The following EIF2AK3 variants were observed in gnomAD, a reference collection of about 807,000 sequenced individuals.
The protein encoded by EIF2AK3 is eukaryotic translation initiation factor 2 alpha kinase 3.
EIF2AK3 carries 50 observed loss-of-function variants against 113.5 expected under a neutral mutation model. That is an observed-to-expected ratio of 0.44 (90% CI 0.35 to 0.56). The LOEUF (loss-of-function observed/expected upper bound fraction) is 0.56. Ranked by LOEUF, EIF2AK3 falls within the 20% of genes least tolerant of loss-of-function variation. The pLI is 0.00. For synonymous variants in EIF2AK3, 448 were observed against 495.4 expected, an observed-to-expected ratio of 0.90 and a Z score of 1.27; for missense variants, 1,185 against 1,378.0, an observed-to-expected ratio of 0.86 and a Z score of 2.22.
In EIF2AK3 at chr2:88,590,977, G is replaced by T; in HGVS notation, c.843C>A (p.Ser281Arg). Reference protein sequence around the residue: ...DMETRAGFIESTFKPNENTEE... With the variant: ...DMETRAGFIERTFKPNENTEE... The stretch of plus-strand genomic sequence containing the variant: ...CTGTGTTCTCATTGGGCTTAAAGGT[G>T]CTTTCAATAAATCCGGCTCTCGTTT... Residue 281 changes from serine to arginine, a missense_variant, in exon 5 of 17, where the codon AGC becomes AGA. By Grantham distance (110) the Ser-to-Arg change is moderately radical (BLOSUM62 -1). This residue lies in a region of EIF2AK3 where 877 missense variants were observed against 1,024.2 expected (regional missense o/e 0.86). Transcript: ENST00000303236. The T allele has an allele frequency of 1.2e-6, 2 of 1,614,098 alleles. No homozygotes were observed. The highest frequency in any genetic ancestry group is 1.7e-6 in the Non-Finnish European group (2 of 1,179,982).
In EIF2AK3 at chr2:88,627,378, T is replaced by A; in HGVS notation, c.-104A>T. On this transcript the variant is annotated 5_prime_UTR_variant, in exon 1 of 17. Transcript: ENST00000303236. The stretch of plus-strand genomic sequence containing the variant: ...GGCAAGGACGTGCTAGGGACCCTAC[T>A]GCCGCCCCGACGGCCTGGACAGCCA... 1 of 1,295,616 alleles carries A rather than the reference T, an allele frequency of 7.7e-7. No homozygotes were observed. Among genetic ancestry groups the A allele is most frequent in the Non-Finnish European group, 9.9e-7 (1 of 1,007,894 alleles). 80.3% of individuals were successfully genotyped at this position (1,295,616 alleles called of 1,614,324 possible). A position where few individuals can be genotyped will look rare whatever the true frequency, so the allele number is the denominator to read the frequency against.
chr2:88,606,346 C>T (rs1675276418), intron 2 of EIF2AK3, among the ~76,000 whole-genome samples: 1 of 152,088 alleles, frequency 6.6e-6, no homozygotes, highest in African/African-American at 2.4e-5. Flanking sequence ...AAATCAGTTT[C>T]TCCTTTGGTG....
chr2:88,622,157 A>G (rs1675740622), intron 1 of EIF2AK3, among the ~76,000 whole-genome samples: 2 of 152,150 alleles, frequency 1.3e-5, no homozygotes, highest in Admixed American at 1.3e-4. Flanking sequence ...TTGGCCTCCC[A>G]AAGTGCTGTG....
At chr2:88,561,584 TTCAG>T (rs1673961258) in intron 15 of EIF2AK3, among the ~76,000 whole-genome samples, 1 of 152,174 alleles carries the variant, frequency 6.6e-6, no homozygotes, top group Admixed American at 6.5e-5. Context: ...TAAAATGACT[TTCAG>T]TCATCCCTAT....
In EIF2AK3 at chr2:88,627,370, G is replaced by A. The variant is rs1675898806; in HGVS notation, c.-96C>T. ...CCCAAGAAGGCAAGGACGTGCTAGG[G>A]ACCCTACTGCCGCCCCGACGGCCTG... On this transcript the variant is annotated 5_prime_UTR_variant, in exon 1 of 17. Transcript: ENST00000303236. 1 of 1,332,446 alleles carries A rather than the reference G, an allele frequency of 7.5e-7. No individual in the cohort carries two copies. Among genetic ancestry groups the A allele is most frequent in the East Asian group, 3.2e-5 (1 of 31,330 alleles). The allele number at this position is 1,332,446 out of a possible 1,614,324, so 82.5% of individuals were successfully genotyped here.
intron 15 of EIF2AK3, among the ~76,000 whole-genome samples, chr2:88,561,761 A>G (rs1673966145): frequency 6.6e-6 from 1 of 152,140 alleles, no homozygotes; most frequent in Non-Finnish European, 1.5e-5. Flanking sequence ...GGGGAGACTG[A>G]GATGGGAGGA....
intron 2 of EIF2AK3, among the ~76,000 whole-genome samples, chr2:88,603,645 AC>A (rs892123156): frequency 6.6e-6 from 1 of 152,198 alleles, no homozygotes; most frequent in Non-Finnish European, 1.5e-5. Flanking sequence ...TCATTGAAAC[AC>A]TTTTTCTCTC....
At chr2:88,570,090 T>C (rs1270356305) in intron 14 of EIF2AK3, among the ~76,000 whole-genome samples, 2 of 152,096 alleles carry the variant, frequency 1.3e-5, no homozygotes, top group Admixed American at 6.5e-5. Context: ...TTCATAAAAA[T>C]ATCTTAAGAT....
Position 88,597,447 on chromosome 2 carries a change from C to G in EIF2AK3, c.439-1784G>C, listed in dbSNP as rs1573411001. On this transcript the variant is annotated intron_variant, in intron 2 of 16. Coordinates refer to ENST00000303236, the MANE Select transcript of EIF2AK3 (RefSeq NM_004836.7). ...AGCTATTATCTTCTTACTAAAGACC[C>G]CAAATCCTAAAGATCCAAAATCCTT... is the stretch of plus-strand genomic sequence containing the variant. Among the ~76,000 whole-genome samples, 4 of 152,076 alleles carry G rather than the reference C, an allele frequency of 2.6e-5. No homozygotes were observed. In the East Asian group the frequency reaches 7.7e-4, roughly 29 times the overall value.
chr2:88,558,137 T>G (rs1010525939), intron 16 of EIF2AK3, among the ~76,000 whole-genome samples: 1 of 152,198 alleles, frequency 6.6e-6, no homozygotes, highest in African/African-American at 2.4e-5. Context: ...TTAATGGGCA[T>G]GGCTGTGTTC....
At position 88,590,992 on chromosome 2, in the gene EIF2AK3, G is replaced by A. The variant is rs769580758; in HGVS notation, c.828C>T (p.Ala276=). 25 of 1,613,904 alleles carry A rather than the reference G, an allele frequency of 1.5e-5. No individual in the cohort carries two copies. Among genetic ancestry groups the A allele is most frequent in the African/African-American group, 4.0e-5 (3 of 74,902 alleles). The change falls in exon 5 of 17, where the codon GCC becomes GCT. Residue 276 remains alanine (A), a synonymous_variant. Transcript: ENST00000303236. The part of the protein sequence containing the change: ...LRYIPDMETR[A]GFIESTFKPN... ...GCTTAAAGGTGCTTTCAATAAATCC[G>A]GCTCTCGTTTCCATGTCTGGAATAT... is the stretch of plus-strand genomic sequence containing the variant.
intron 11 of EIF2AK3, among the ~76,000 whole-genome samples, chr2:88,578,439 T>C (rs1674517803): frequency 6.6e-6 from 1 of 151,974 alleles, no homozygotes; most frequent in South Asian, 2.1e-4. Flanking sequence ...TCCCAGCACT[T>C]TGGGAGGCCA....
At chr2:88,591,414 C>T (rs1674886350) in intron 4 of EIF2AK3, among the ~76,000 whole-genome samples, 1 of 152,260 alleles carries the variant, frequency 6.6e-6, no homozygotes, top group African/African-American at 2.4e-5. Flanking sequence ...GTCTGCCTTA[C>T]CTCTTAATTA....
At chr2:88,587,454 T>C (rs912204818) in intron 8 of EIF2AK3, among the ~76,000 whole-genome samples, 1 of 152,130 alleles carries the variant, frequency 6.6e-6, no homozygotes, top group African/African-American at 2.4e-5. Flanking sequence ...AAAATGTATT[T>C]CATGCCAAAT....
intron 13 of EIF2AK3, among the ~76,000 whole-genome samples, chr2:88,573,365 GATTC>G (rs1438075387): frequency 5.9e-5 from 9 of 152,230 alleles, no homozygotes; most frequent in South Asian, 4.1e-4. Flanking sequence ...GTGAAAACAT[GATTC>G]ATTGTCTTTC....
intron 14 of EIF2AK3, 143 bp from the exon 15 acceptor site, chr2:88,562,533 A>C: frequency 1.4e-6 from 1 of 709,018 alleles, no homozygotes; most frequent in East Asian, 2.7e-5. Flanking sequence ...CAAAGAGTTA[A>C]TCTCCCAAGT....
chr2:88,581,856 A>G (rs1674608676), intron 10 of EIF2AK3, among the ~76,000 whole-genome samples: 1 of 152,206 alleles, frequency 6.6e-6, no homozygotes, highest in African/African-American at 2.4e-5. Flanking sequence ...TTTGACAGAA[A>G]GGTAGAATGG....
chr2:88,613,767 A>C lies in EIF2AK3; in HGVS notation c.395T>G (p.Val132Gly). 4 of 1,614,144 alleles carry C rather than the reference A, an allele frequency of 2.5e-6. No individual in the cohort carries two copies. Among genetic ancestry groups the C allele is most frequent in the Non-Finnish European group, 3.4e-6 (4 of 1,179,966 alleles). Reference sequence around the variant, plus strand: ...GGATGACACCAAGGAACCGGATCCCACATCCAAATCCCACTGCTTTTTACC... The same window carrying C: ...GGATGACACCAAGGAACCGGATCCCCCATCCAAATCCCACTGCTTTTTACC... ...NHGKKQWDLDVGSGSLVSSSL... is the reference protein window; with the variant it reads ...NHGKKQWDLDGGSGSLVSSSL... Residue 132 changes from valine to glycine, a missense_variant, in exon 2 of 17, where the codon GTG (valine) becomes GGG (glycine). Val to Gly is a moderately radical substitution (Grantham distance 109). Around this residue, in one of 3 missense-constraint regions of EIF2AK3, gnomAD observed 119 missense variants for 178.7 expected, o/e 0.67. Coordinates refer to ENST00000303236, the MANE Select transcript of EIF2AK3 (RefSeq NM_004836.7).
intron 11 of EIF2AK3, among the ~76,000 whole-genome samples, chr2:88,579,066 CTG>C (rs1573396563): frequency 6.6e-6 from 1 of 151,992 alleles, no homozygotes; most frequent in Non-Finnish European, 1.5e-5. Context: ...ACAGACAAAA[CTG>C]TACAGTACTG....
Sources: gnomAD v4.1 joint callset for allele counts (sites outside exome capture counted in the v4.1 genomes callset) on GRCh38, gnomAD v4.1.1 for gene constraint, gnomAD v4.1.1 regional missense constraint, MANE v1.5 for transcripts, NCBI Gene and HGNC (gene_info 2026-07-23, HGNC 2026-07-21) for gene names.